The following VPS13B variants were observed in gnomAD, a reference collection of about 807,000 sequenced individuals.
VPS13B encodes intermembrane lipid transfer protein VPS13B.
VPS13B carries 285 observed loss-of-function variants against 426.4 expected under a neutral mutation model. That is an observed-to-expected ratio of 0.67 (90% CI 0.61 to 0.74). The LOEUF (loss-of-function observed/expected upper bound fraction) is 0.74. Ranked by LOEUF, VPS13B falls within the 30% of genes least tolerant of loss-of-function variation. The pLI is 0.00. For synonymous variants in VPS13B, 1,676 were observed against 1,676.4 expected, an observed-to-expected ratio of 1.00 and a Z score of 0.01; for missense variants, 4,537 against 4,782.6, an observed-to-expected ratio of 0.95 and a Z score of 1.51.
chr8:99,074,492 A>G (rs1278559409), intron 3 of VPS13B, among the ~76,000 whole-genome samples: 3 of 150,608 alleles, frequency 2.0e-5, no homozygotes, highest in Non-Finnish European at 4.4e-5. Flanking sequence ...TGGGTGAGAC[A>G]GTGAGACTCC....
intron 21 of VPS13B, among the ~76,000 whole-genome samples, chr8:99,416,068 A>G (rs1215700114): frequency 6.6e-6 from 1 of 152,068 alleles, no homozygotes; most frequent in Non-Finnish European, 1.5e-5. Flanking sequence ...TTTTATCTAT[A>G]AGCCCCTGAC....
chr8:99,136,411 T>C (rs1810072822), intron 11 of VPS13B, among the ~76,000 whole-genome samples: 1 of 152,164 alleles, frequency 6.6e-6, no homozygotes, highest in African/African-American at 2.4e-5. Context: ...CCATTGTAGG[T>C]ATTTATTAAC....
At chr8:99,405,314 C>T (rs192185550) in intron 21 of VPS13B, among the ~76,000 whole-genome samples, 5 of 152,210 alleles carry the variant, frequency 3.3e-5, no homozygotes, top group African/African-American at 7.2e-5. Context: ...TACCTTTCCC[C>T]GAACCTTCAT....
chr8:99,698,666 A>C (rs2130169491), intron 35 of VPS13B, among the ~76,000 whole-genome samples: 1 of 152,362 alleles, frequency 6.6e-6, no homozygotes. Flanking sequence ...AGTTAAGCTC[A>C]AACATTTGTT....
chr8:99,391,595 T>C lies in VPS13B; in HGVS notation c.2973T>C (p.Cys991=), dbSNP rs765657148. 1 of 1,614,174 alleles carries C rather than the reference T, an allele frequency of 6.2e-7. No individual in the cohort carries two copies. Among genetic ancestry groups the C allele is most frequent in the South Asian group, 1.1e-5 (1 of 91,078 alleles). The change falls in exon 21 of 62, where the codon TGT becomes TGC. Residue 991 remains cysteine, a synonymous_variant. Coordinates refer to ENST00000357162, the MANE Select transcript of VPS13B (RefSeq NM_152564.5). ...VVAVPLVMPV[C]RRKEDEVSIG... ...CTGTTCCTCTTGTTATGCCAGTTTG[T>C]AGAAGGAAAGAGGATGAGGTGTCTA... is the stretch of plus-strand genomic sequence containing the variant.
In VPS13B at chr8:99,013,956, T is replaced by G. The variant is rs1841453777; in HGVS notation, c.147+21T>G. ...AACAGGTAAGCTATTTAGCTGTCAT[T>G]AACTGGAAACAGTTTTCAGCTTGTT... On this transcript the variant is annotated intron_variant, in intron 2 of 61. Transcript: ENST00000357162. 4 of 1,614,040 alleles carry G rather than the reference T, an allele frequency of 2.5e-6. No homozygotes were observed. In the East Asian group the frequency reaches 6.7e-5, roughly 27 times the overall value.
chr8:99,477,876 T>G (rs1261290441), intron 24 of VPS13B, among the ~76,000 whole-genome samples: 1 of 152,176 alleles, frequency 6.6e-6, no homozygotes, highest in Non-Finnish European at 1.5e-5. Flanking sequence ...CTGTTATCCA[T>G]TCCCTTCATC....
chr8:99,720,551 T>C lies in VPS13B; in HGVS notation c.6864T>C (p.Ala2288=). Residue 2288 remains alanine (A), a splice_region_variant and synonymous_variant, in exon 38 of 62, where the codon GCT becomes GCC. Transcript: ENST00000357162. ...RTGLFQYVQD[A]ESLKLPGVYE... is the part of the protein sequence containing the mutation. ...GTCTATTTCAGTATGTACAGGATGC[T>C]GGTAAGTAGCAACAGACTCAGTATG... is the stretch of plus-strand genomic sequence containing the variant. 6.2e-7 allele frequency: 1 copy of C among 1,613,856 alleles called. No homozygotes were observed. The highest frequency in any genetic ancestry group is 8.5e-7 in the Non-Finnish European group (1 of 1,179,814).
intron 44 of VPS13B, among the ~76,000 whole-genome samples, chr8:99,811,850 G>T (rs962426021): frequency 6.6e-6 from 1 of 152,144 alleles, no homozygotes; most frequent in African/African-American, 2.4e-5. Context: ...AACTGAGTTT[G>T]TGTATGTAAA....
intron 21 of VPS13B, among the ~76,000 whole-genome samples, chr8:99,392,498 C>A (rs1428045035): frequency 6.6e-6 from 1 of 151,968 alleles, no homozygotes; most frequent in Non-Finnish European, 1.5e-5. Context: ...ATATTCCCAA[C>A]CACATTGATA....
At chr8:99,427,559 C>T (rs1342376076) in intron 21 of VPS13B, among the ~76,000 whole-genome samples, 1 of 151,706 alleles carries the variant, frequency 6.6e-6, no homozygotes, top group Admixed American at 6.6e-5. Flanking sequence ...GAATAAAATA[C>T]CTGGGAATCC....
chr8:99,066,646 A>G (rs561939632), intron 3 of VPS13B, among the ~76,000 whole-genome samples: 8 of 152,396 alleles, frequency 5.2e-5, no homozygotes, highest in African/African-American at 1.9e-4. Context: ...GCCAAAATAG[A>G]GAAATGGGAT....
chr8:99,351,787 G>T (rs1339291102), intron 19 of VPS13B, among the ~76,000 whole-genome samples: 1 of 152,096 alleles, frequency 6.6e-6, no homozygotes, highest in Non-Finnish European at 1.5e-5. Flanking sequence ...TTTAAGGAAA[G>T]CTGACATATG....
intron 17 of VPS13B, among the ~76,000 whole-genome samples, chr8:99,228,427 T>A (rs1285601296): frequency 2.0e-5 from 3 of 152,210 alleles, no homozygotes; most frequent in African/African-American, 7.2e-5. Flanking sequence ...CCTAAAAAAT[T>A]TAAAACGAAT....
rs1307781373 is a variant in VPS13B, at chr8:99,038,341, A to T, written c.148-82A>T. 3 of 1,197,206 alleles carry T rather than the reference A, an allele frequency of 2.5e-6. No individual in the cohort carries two copies. In the African/African-American group the frequency reaches 4.6e-5, roughly 19 times the overall value. 74.2% of individuals were successfully genotyped at this position (1,197,206 alleles called of 1,614,324 possible). On this transcript the variant is annotated intron_variant, in intron 2 of 61. Transcript: ENST00000357162. ...TGAATATTCTTGTGTTGGAAATTTT[A>T]TTTTTTAAAAAAGAAATTTGCATAT...
intron 27 of VPS13B, among the ~76,000 whole-genome samples, chr8:99,503,476 T>C (rs1383397260): frequency 6.6e-6 from 1 of 152,224 alleles, no homozygotes. Context: ...TGATGCTGTT[T>C]AGTGGCATTT....
chr8:99,269,392 A>G (rs1818461239), intron 17 of VPS13B, among the ~76,000 whole-genome samples: 1 of 152,178 alleles, frequency 6.6e-6, no homozygotes, highest in South Asian at 2.1e-4. Flanking sequence ...CATTTTTTCA[A>G]ATGTGGGTAT....
At chr8:99,588,369 C>T (rs1254988547) in intron 33 of VPS13B, among the ~76,000 whole-genome samples, 2 of 151,604 alleles carry the variant, frequency 1.3e-5, no homozygotes, top group African/African-American at 4.9e-5. Flanking sequence ...TCATTGGTAG[C>T]TTGATGGGGA....
rs1209498863 is a variant in VPS13B at position 99,785,423 on chromosome 8, CTA to C, written c.7941+949_7941+950del. Among the ~76,000 whole-genome samples the C allele has an allele frequency of 1.4e-4, 21 of 152,250 alleles. No individual in the cohort carries two copies. In the South Asian group the frequency reaches 2.5e-3, roughly 18 times the overall value. ...CTTGTTTTTTCATCAGATTGCCACA[CTA>C]TTGGTATACAATTTGGAAAAGTAAA... On this transcript the variant is annotated intron_variant, in intron 43 of 61. Transcript: ENST00000357162.
Sources: allele counts gnomAD v4.1 joint callset (sites outside exome capture counted in the v4.1 genomes callset), GRCh38; gene constraint gnomAD v4.1.1; transcripts MANE v1.5; gene names NCBI Gene and HGNC (gene_info 2026-07-23, HGNC 2026-07-21).